The following RBFOX1 variants were observed in gnomAD, a reference collection of about 807,000 sequenced individuals.
The protein encoded by RBFOX1 is RNA binding protein fox-1 homolog 1.
A neutral mutation model predicts 57.7 loss-of-function variants in RBFOX1; 8 were observed. That is an observed-to-expected ratio of 0.14 (90% confidence interval 0.08 to 0.25). The LOEUF is 0.25. Ranked by LOEUF, RBFOX1 falls within the 10% of genes least tolerant of loss-of-function variation. The pLI is 1.00. For missense variants in RBFOX1, 611 were observed against 548.5 expected, an observed-to-expected ratio of 1.11 and a Z score of -1.14; for synonymous variants, 326 against 222.4, an observed-to-expected ratio of 1.47 and a Z score of -4.15.
chr16:7,459,963 C>T lies in RBFOX1; in HGVS notation c.28-58184C>T, dbSNP rs570144751. Among the ~76,000 whole-genome samples the T allele has an allele frequency of 2.3e-4, 35 of 151,802 alleles. 1 individual carries two copies. In the South Asian group the frequency reaches 7.1e-3, roughly 31 times the overall value. On this transcript the variant is annotated intron_variant, in intron 4 of 15. Coordinates refer to ENST00000550418, the MANE Select transcript of RBFOX1 (RefSeq NM_018723.4). ...TTTATTGGTTGGATACTTTTAGCAA[C>T]AAGTAATTGAAAATGGAAATAAAAT...
intron 1 of RBFOX1, among the ~76,000 whole-genome samples, chr16:6,111,788 A>C (rs950044765): frequency 4.6e-5 from 7 of 152,204 alleles, no homozygotes; most frequent in Admixed American, 6.5e-5. Context: ...TCAGAAATTC[A>C]GACATACATT....
intron 4 of RBFOX1, among the ~76,000 whole-genome samples, chr16:7,415,320 C>T (rs1463554654): frequency 1.3e-5 from 2 of 152,152 alleles, no homozygotes; most frequent in African/African-American, 2.4e-5. Context: ...AAATCCATAT[C>T]TTCTGCCTGT....
At chr16:6,767,483 T>C (rs1275995524) in intron 3 of RBFOX1, among the ~76,000 whole-genome samples, 4 of 152,202 alleles carry the variant, frequency 2.6e-5, no homozygotes, top group Non-Finnish European at 4.4e-5. Flanking sequence ...AATACATTTC[T>C]TTTTTTGCTT....
intron 4 of RBFOX1, among the ~76,000 whole-genome samples, chr16:7,079,628 T>C (rs74928454): frequency 0.01 from 1,528 of 152,262 alleles, 30 homozygotes; most frequent in African/African-American, 0.035. Context: ...ATAAAGCCTT[T>C]TGCGTTATGA....
chr16:5,375,085 CAAAAAAAAAA>C lies in RBFOX1; in HGVS notation c.220-92112_220-92103del, dbSNP rs576765968. 2.0e-3 allele frequency among the ~76,000 whole-genome samples: 73 copies of C among 37,110 alleles called. 1 individual carries two copies. Among genetic ancestry groups the C allele is most frequent in the African/African-American group, 9.2e-3 (68 of 7,356 alleles). 24.3% of individuals were successfully genotyped at this position (37,110 alleles called of 152,430 possible). A position where few individuals can be genotyped will look rare whatever the true frequency, so the allele number is the denominator to read the frequency against. On this transcript the variant is annotated intron_variant, in intron 1 of 2. Coordinates refer to the RBFOX1 transcript ENST00000585867. ...GTGGTAGAAACAGATTTTAAATGGCCAAAAAAAAAAAAAAAAAAAAAAAAAAAATAGGTGT... is the reference window on the plus strand; with the variant it reads ...GTGGTAGAAACAGATTTTAAATGGCCAAAAAAAAAAAAAAAAAATAGGTGT...
intron 2 of RBFOX1, among the ~76,000 whole-genome samples, chr16:6,517,641 G>T (rs1478934369): frequency 1.3e-5 from 2 of 152,076 alleles, no homozygotes; most frequent in African/African-American, 4.8e-5. Context: ...CAAACCCCTC[G>T]AGATAGTACT....
intron 1 of RBFOX1, among the ~76,000 whole-genome samples, chr16:6,219,788 A>G (rs1236842296): frequency 6.6e-6 from 1 of 152,146 alleles, no homozygotes; most frequent in Admixed American, 6.5e-5. Flanking sequence ...AGGCAGGAGA[A>G]TCACTTGAAC....
intron 4 of RBFOX1, among the ~76,000 whole-genome samples, chr16:5,920,898 T>G (rs1037629940): frequency 8.8e-6 from 1 of 113,192 alleles, no homozygotes; most frequent in African/African-American, 3.0e-5. Flanking sequence ...CCCAATGGAG[T>G]TGTCTATTTG....
At chr16:7,691,877 C>G (rs938653092) in intron 14 of RBFOX1, among the ~76,000 whole-genome samples, 4 of 152,128 alleles carry the variant, frequency 2.6e-5, no homozygotes, top group African/African-American at 9.7e-5. Flanking sequence ...AATCATGTCG[C>G]CATTCTTGCT....
At chr16:7,317,665 G>A (rs574918341) in intron 4 of RBFOX1, among the ~76,000 whole-genome samples, 6 of 152,256 alleles carry the variant, frequency 3.9e-5, no homozygotes, top group South Asian at 4.1e-4. Flanking sequence ...ACCTCCACCC[G>A]CTGCCTCCAG....
chr16:6,842,102 C>T (rs2093499019), intron 3 of RBFOX1, among the ~76,000 whole-genome samples: 1 of 151,138 alleles, frequency 6.6e-6, no homozygotes, highest in Non-Finnish European at 1.5e-5. Context: ...GAGATCGCGC[C>T]ACTGCACTCC....
chr16:7,247,962 G>A (rs1555625190), intron 4 of RBFOX1, among the ~76,000 whole-genome samples: 1 of 152,094 alleles, frequency 6.6e-6, no homozygotes, highest in Non-Finnish European at 1.5e-5. Context: ...CCTGGGTGAT[G>A]AAAAAATCTG....
At chr16:6,984,257 A>G (rs2172309) in intron 3 of RBFOX1, among the ~76,000 whole-genome samples, 4,372 of 152,226 alleles carry the variant, frequency 0.029, 231 homozygotes, top group African/African-American at 0.1. Context: ...TAAACATAAA[A>G]TAAAATAATC....
chr16:6,106,591 GAA>G (rs1314220058), intron 1 of RBFOX1, among the ~76,000 whole-genome samples: 6 of 152,122 alleles, frequency 3.9e-5, no homozygotes, highest in African/African-American at 1.2e-4. Context: ...AAGACTTTAG[GAA>G]AGTCTCTTCA....
chr16:5,868,263 G>A (rs2057389161), intron 4 of RBFOX1, among the ~76,000 whole-genome samples: 1 of 152,220 alleles, frequency 6.6e-6, no homozygotes. Context: ...GGAGCCCAGG[G>A]CTCTGTGTGA....
chr16:7,630,466 G>A (rs2060772033), intron 10 of RBFOX1, 137 bp from the exon 11 acceptor site: 1 of 1,514,526 alleles, frequency 6.6e-7, no homozygotes, highest in Non-Finnish European at 8.8e-7. Flanking sequence ...AGGGGGCTTT[G>A]TTGGGTACCC....
chr16:7,686,206 T>G (rs2076032306), intron 14 of RBFOX1, among the ~76,000 whole-genome samples: 1 of 151,924 alleles, frequency 6.6e-6, no homozygotes, highest in Non-Finnish European at 1.5e-5. Flanking sequence ...AACAAGGAGT[T>G]TCCTGTGGAA....
At chr16:6,322,367 G>T (rs1349787224) in intron 2 of RBFOX1, among the ~76,000 whole-genome samples, 1 of 152,092 alleles carries the variant, frequency 6.6e-6, no homozygotes, top group African/African-American at 2.4e-5. Context: ...TTCCAACTGG[G>T]CAAGTTCATC....
chr16:7,619,905 G>T (rs1009811178), intron 10 of RBFOX1, among the ~76,000 whole-genome samples: 2 of 152,156 alleles, frequency 1.3e-5, no homozygotes, highest in African/African-American at 4.8e-5. Context: ...TGCCTACAGT[G>T]GCTCTGCCGG....
Sources: allele counts gnomAD v4.1 joint callset (sites outside exome capture counted in the v4.1 genomes callset), GRCh38; gene constraint gnomAD v4.1.1; transcripts MANE v1.5; gene names NCBI Gene and HGNC (gene_info 2026-07-23, HGNC 2026-07-21).